The following DCLK2 variants were observed in gnomAD, a reference collection of about 807,000 sequenced individuals.
The protein encoded by DCLK2 is doublecortin like kinase 2, also known as serine/threonine-protein kinase DCLK2.
Under a neutral mutation model 78.4 loss-of-function variants are expected in DCLK2, and 31 were observed. The ratio of observed to expected loss-of-function variants is 0.40; its 90% CI spans 0.30 to 0.53. The LOEUF is 0.53. Ranked by LOEUF, DCLK2 falls within the 20% of genes least tolerant of loss-of-function variation. The pLI is 0.61. For synonymous variants in DCLK2, 407 were observed against 374.9 expected, an observed-to-expected ratio of 1.09 and a Z score of -0.99; for missense variants, 872 against 973.7, an observed-to-expected ratio of 0.90 and a Z score of 1.39.
At chr4:150,208,560 G>T (rs1740034072) in intron 5 of DCLK2, among the ~76,000 whole-genome samples, 2 of 151,916 alleles carry the variant, frequency 1.3e-5, no homozygotes, top group African/African-American at 4.8e-5. Flanking sequence ...TAACACATTT[G>T]CTCCACAGGA....
At chr4:150,136,132 T>C (rs1036541621) in intron 2 of DCLK2, among the ~76,000 whole-genome samples, 1 of 152,144 alleles carries the variant, frequency 6.6e-6, no homozygotes, top group Middle Eastern at 3.2e-3. Context: ...TGGAGGAATC[T>C]CGTGGAGGAA....
chr4:150,119,472 A>G (rs1242308995), intron 2 of DCLK2, among the ~76,000 whole-genome samples: 1 of 152,196 alleles, frequency 6.6e-6, no homozygotes, highest in Non-Finnish European at 1.5e-5. Flanking sequence ...TCATGGATAT[A>G]TGCCCCAGTA....
In DCLK2 at chr4:150,249,652, A is replaced by G. The variant is rs1743601369; in HGVS notation, c.2041A>G (p.Asn681Asp). The G allele has an allele frequency of 6.2e-7, 1 of 1,613,552 alleles. No individual in the cohort carries two copies. The highest frequency in any genetic ancestry group is 1.1e-5 in the South Asian group (1 of 91,068). ...QHFNNALPKQ[N>D]STTTGVSVIM... ...CTTTAATAATGCGCTCCCCAAACAG[A>G]ACAGCACTACCACCGGGGTCTCCGT... Residue 681 changes from asparagine (N) to aspartate (D), a missense_variant, in exon 15 of 16, where the codon AAC becomes GAC. Physicochemically the swap from Asn to Asp is conservative, Grantham distance 23. This residue lies in a region of DCLK2 where 219 missense variants were observed against 230.1 expected (regional missense o/e 0.95). Coordinates refer to ENST00000296550, the MANE Select transcript of DCLK2 (RefSeq NM_001040260.4).
chr4:150,233,695 C>G (rs1358617065), intron 10 of DCLK2, among the ~76,000 whole-genome samples: 1 of 152,082 alleles, frequency 6.6e-6, no homozygotes, highest in Admixed American at 6.5e-5. Context: ...AAGTCTTATT[C>G]CACTATGGTA....
chr4:150,232,692 T>G lies in DCLK2; in HGVS notation c.1430T>G (p.Leu477Arg), dbSNP rs1404234143. 1 of 1,613,996 alleles carries G rather than the reference T, an allele frequency of 6.2e-7. No individual in the cohort carries two copies. The highest frequency in any genetic ancestry group is 8.5e-7 in the Non-Finnish European group (1 of 1,179,962). ...LVMELVKGGD[L>R]FDAITSSTKY... ...TTATGTATCGTTTAGGGTGGAGATC[T>G]CTTTGATGCAATTACTTCGTCGACC... is the stretch of plus-strand genomic sequence containing the variant. The change falls in exon 10 of 16, where the codon CTC becomes CGC. Residue 477 changes from leucine to arginine, a missense_variant. Physicochemically the swap from Leu to Arg is moderately radical, Grantham distance 102. This residue lies in a region of DCLK2 where 86 missense variants were observed against 150.3 expected (regional missense o/e 0.57). Transcript: ENST00000296550.
chr4:150,189,025 CTGTTATTTAT>C (rs1476190596), intron 2 of DCLK2, among the ~76,000 whole-genome samples: 1 of 151,460 alleles, frequency 6.6e-6, no homozygotes, highest in Non-Finnish European at 1.5e-5. Flanking sequence ...TGATTATTTA[CTGTTATTTAT>C]GCTAATCAAA....
intron 7 of DCLK2, among the ~76,000 whole-genome samples, chr4:150,223,419 GTTAAAA>G (rs922774594): frequency 2.6e-5 from 4 of 152,174 alleles, no homozygotes; most frequent in Non-Finnish European, 4.4e-5. Context: ...TTTTTGGCAT[GTTAAAA>G]TTAAATTATT....
intron 2 of DCLK2, among the ~76,000 whole-genome samples, chr4:150,182,240 T>C (rs1737585631): frequency 6.6e-6 from 1 of 152,106 alleles, no homozygotes. Flanking sequence ...AGAAACAAAG[T>C]ATCACTATGT....
intron 15 of DCLK2, among the ~76,000 whole-genome samples, chr4:150,254,150 T>C (rs1744393641): frequency 6.6e-6 from 1 of 152,160 alleles, no homozygotes; most frequent in African/African-American, 2.4e-5. Flanking sequence ...AGAGACCATC[T>C]TGTGGTGGGA....
At chr4:150,082,323 G>GT (rs1362071748) in intron 1 of DCLK2, among the ~76,000 whole-genome samples, 3 of 152,276 alleles carry the variant, frequency 2.0e-5, no homozygotes, top group Admixed American at 1.3e-4. Flanking sequence ...TAAGAGGTAT[G>GT]TTTTTTTCTG....
At position 150,224,405 on chromosome 4, in the gene DCLK2, A is replaced by C. The variant is rs77240521; in HGVS notation, c.1242-96A>C. 12 of 457,458 alleles carry C rather than the reference A, an allele frequency of 2.6e-5. No homozygotes were observed. The Admixed American group carries it at 4.1e-4, about 16-fold the overall frequency. 28.3% of individuals were successfully genotyped at this position (457,458 alleles called of 1,614,324 possible). On this transcript the variant is annotated intron_variant, in intron 7 of 15. Coordinates refer to ENST00000296550, the MANE Select transcript of DCLK2 (RefSeq NM_001040260.4). ...CAACATAATGAGATCTCATCTCTAC[A>C]AAAAAAAAAAAAATTAAAGTATAAA...
intron 8 of DCLK2, among the ~76,000 whole-genome samples, chr4:150,231,187 T>C (rs966646525): frequency 4.6e-4 from 70 of 152,336 alleles, no homozygotes; most frequent in African/African-American, 1.7e-3. Context: ...AGTGACTGTT[T>C]CCAAGGATAA....
intron 5 of DCLK2, among the ~76,000 whole-genome samples, chr4:150,214,516 C>CTG (rs1740532456): frequency 6.6e-6 from 1 of 152,172 alleles, no homozygotes; most frequent in Admixed American, 6.5e-5. Context: ...AGCCAATCAC[C>CTG]TGTTTTTCTG....
At chr4:150,166,131 G>A (rs935776544) in intron 2 of DCLK2, among the ~76,000 whole-genome samples, 15 of 152,046 alleles carry the variant, frequency 9.9e-5, no homozygotes, top group African/African-American at 3.1e-4. Flanking sequence ...CCAGGTGTCC[G>A]AGTTTGGATT....
chr4:150,240,135 T>A (rs183115861), intron 11 of DCLK2, among the ~76,000 whole-genome samples: 192 of 152,240 alleles, frequency 1.3e-3, no homozygotes, highest in African/African-American at 4.4e-3. Context: ...GCAGATTTTA[T>A]GCTTACCTGG....
intron 14 of DCLK2, among the ~76,000 whole-genome samples, 166 bp from the exon 15 acceptor site, chr4:150,249,402 A>G (rs1743577614): frequency 6.6e-6 from 1 of 152,036 alleles, no homozygotes; most frequent in African/African-American, 2.4e-5. Flanking sequence ...GAATAACAAT[A>G]GTTATTTTTG....
intron 2 of DCLK2, among the ~76,000 whole-genome samples, chr4:150,125,125 G>C (rs1386481787): frequency 1.3e-5 from 2 of 152,122 alleles, no homozygotes; most frequent in East Asian, 3.8e-4. Flanking sequence ...AGATCATCTT[G>C]TGGTAGGTAT....
chr4:150,184,140 A>G (rs924664689), intron 2 of DCLK2, among the ~76,000 whole-genome samples: 2 of 152,224 alleles, frequency 1.3e-5, no homozygotes, highest in African/African-American at 4.8e-5. Context: ...GACTGCATGT[A>G]TGGTGCTCAG....
At chr4:150,102,419 G>A (rs1412686624) in intron 1 of DCLK2, 59 bp from the exon 2 acceptor site, 1 of 1,540,390 alleles carries the variant, frequency 6.5e-7, no homozygotes, top group African/African-American at 1.4e-5. Flanking sequence ...CTGTTCTTTA[G>A]ACCAAATGCT....
Sources: gnomAD v4.1 joint callset for allele counts (sites outside exome capture counted in the v4.1 genomes callset) on GRCh38, gnomAD v4.1.1 for gene constraint, gnomAD v4.1.1 regional missense constraint, MANE v1.5 for transcripts, NCBI Gene and HGNC (gene_info 2026-07-23, HGNC 2026-07-21) for gene names.